IL13RA1: variants seen among roughly 807,000 people sequenced by gnomAD.
The protein encoded by IL13RA1 is interleukin-13 receptor subunit alpha-1.
IL13RA1 carries 14 observed loss-of-function variants against 33.8 expected under a neutral mutation model. The ratio of observed to expected loss-of-function variants is 0.41; its 90% CI spans 0.27 to 0.65. The LOEUF is 0.65. IL13RA1 is among the 30% of genes least tolerant of loss of function. The pLI, the probability that IL13RA1 is intolerant of heterozygous loss-of-function variation, is 0.28. For missense variants in IL13RA1, 313 were observed against 327.0 expected (o/e 0.96, Z 0.33); for synonymous variants, 116 against 115.7 (o/e 1.00, Z -0.02).
chrX:118,747,179 A>T (rs1603210048), intron 3 of IL13RA1, 87 bp downstream of exon 3: 1 of 582,133 alleles, frequency 1.7e-6, no homozygotes, highest in East Asian at 3.4e-5. Flanking sequence ...TAATTAATTC[A>T]ATTCTCAAAC....
At chrX:118,728,290 A>G (rs1281614534) in intron 1 of IL13RA1, among the ~76,000 whole-genome samples, 2 of 112,526 alleles carry the variant, frequency 1.8e-5, no homozygotes, top group African/African-American at 6.5e-5. Context: ...GTCCTTGTTG[A>G]AAAAGGACGT....
chrX:118,741,023 A>C lies in IL13RA1; in HGVS notation c.95A>C (p.Gln32Pro). ...TTGTCCTTGATTTGAACAGAAACTC[A>C]GCCACCTGTGACAAATTTGAGTGTC... is the stretch of plus-strand genomic sequence containing the variant. ...GGGGAAPTETQPPVTNLSVSV... is the reference protein window; with the variant it reads ...GGGGAAPTETPPPVTNLSVSV... The change falls in exon 2 of 11, where the codon CAG (glutamine) becomes CCG (proline). Residue 32 changes from glutamine (Q) to proline (P), a missense_variant. Gln to Pro is a moderately conservative substitution (Grantham distance 76). Transcript: ENST00000371666. 8.9e-7 allele frequency: 1 copy of C among 1,125,291 alleles called. No individual in the cohort carries two copies. Among genetic ancestry groups the C allele is most frequent in the Non-Finnish European group, 1.2e-6 (1 of 818,091 alleles). 92.7% of individuals were successfully genotyped at this position (1,125,291 alleles called of 1,213,427 possible).
intron 4 of IL13RA1, among the ~76,000 whole-genome samples, chrX:118,756,444 G>A (rs1215716563): frequency 8.9e-6 from 1 of 111,824 alleles, no homozygotes; most frequent in Non-Finnish European, 1.9e-5. Flanking sequence ...TACTGCTTAT[G>A]GAAGACAGTT....
At chrX:118,795,147 C>A (rs987637697), downstream of IL13RA1, among the ~76,000 whole-genome samples, 1 of 97,011 alleles carries the variant, frequency 1.0e-5, no homozygotes, top group African/African-American at 3.9e-5. Context: ...GGCGTGAACC[C>A]GGGAGGTGGA....
At chrX:118,799,274 C>T (rs1472067384), downstream of IL13RA1, among the ~76,000 whole-genome samples, 6 of 112,995 alleles carry the variant, frequency 5.3e-5, no homozygotes, top group Non-Finnish European at 9.4e-5. Context: ...CCGAGCCTCC[C>T]GGACGAGCAC....
chrX:118,738,286 G>A (rs1011503373), intron 1 of IL13RA1: 17 of 111,213 alleles, frequency 1.5e-4, no homozygotes, highest in African/African-American at 5.2e-4. Flanking sequence ...ACTGCATGAC[G>A]CTGAGACTTG....
chrX:118,744,100 C>G (rs945973408), intron 2 of IL13RA1, among the ~76,000 whole-genome samples: 5 of 110,270 alleles, frequency 4.5e-5, no homozygotes, highest in Non-Finnish European at 9.5e-5. Flanking sequence ...GAGCCGAGAT[C>G]ATGCCACTGC....
intron 1 of IL13RA1, among the ~76,000 whole-genome samples, chrX:118,739,932 T>G: frequency 8.9e-6 from 1 of 112,148 alleles, no homozygotes; most frequent in African/African-American, 3.2e-5. Flanking sequence ...TTGAACAATC[T>G]GATTTTTTGT....
chrX:118,791,621 CAAAAA>C (rs11318857), intron 10 of IL13RA1, 136 bp from the exon 11 acceptor site: 30 of 217,850 alleles, frequency 1.4e-4, no homozygotes, highest in Admixed American at 5.8e-4. Flanking sequence ...ATTCTTAGGT[CAAAAA>C]AAAAAAAAAA....
intron 4 of IL13RA1, among the ~76,000 whole-genome samples, chrX:118,756,362 G>A (rs2017530200): frequency 8.9e-6 from 1 of 111,808 alleles, no homozygotes; most frequent in African/African-American, 3.3e-5. Context: ...GTCTGCCTGC[G>A]CTGGGCTAGG....
intron 10 of IL13RA1, among the ~76,000 whole-genome samples, chrX:118,779,722 T>C (rs756593383): frequency 2.5e-4 from 28 of 111,842 alleles, no homozygotes; most frequent in Non-Finnish European, 4.7e-4. Flanking sequence ...TAATAGGAAC[T>C]TGAACTTAGG....
intron 10 of IL13RA1, among the ~76,000 whole-genome samples, chrX:118,780,933 C>T (rs1359394971): frequency 1.8e-5 from 2 of 112,161 alleles, no homozygotes; most frequent in Non-Finnish European, 1.9e-5. Flanking sequence ...TTCCACACTG[C>T]ACCATTAATA....
At chrX:118,735,542 A>G (rs746705544) in intron 1 of IL13RA1, among the ~76,000 whole-genome samples, 13 of 111,296 alleles carry the variant, frequency 1.2e-4, no homozygotes, top group Non-Finnish European at 2.3e-4. Context: ...GTTGTCATCC[A>G]TTATTTCTTT....
intron 8 of IL13RA1, chrX:118,770,046 G>C: frequency 4.0e-6 from 1 of 246,934 alleles, no homozygotes; most frequent in Non-Finnish European, 7.6e-6. Context: ...GGCCAGGGCT[G>C]TGTGCCACTG....
intron 10 of IL13RA1, among the ~76,000 whole-genome samples, chrX:118,783,789 A>G (rs1236309713): frequency 1.9e-5 from 2 of 103,015 alleles, no homozygotes; most frequent in Non-Finnish European, 3.9e-5. Context: ...ACCACTATAC[A>G]TTCATGCATT....
At chrX:118,776,570 A>G (rs1237831258) in intron 10 of IL13RA1, 59 bp downstream of exon 10, 1 of 370,279 alleles carries the variant, frequency 2.7e-6, no homozygotes, top group South Asian at 4.1e-5. Flanking sequence ...TTTGGAAGCT[A>G]TGGCATTTTT....
rs142210599 is a variant in IL13RA1, at chrX:118,728,949, A to G, written c.88+1223A>G. Among the ~76,000 whole-genome samples the G allele has an allele frequency of 1.8e-3, 204 of 112,156 alleles. 4 individuals are homozygous for G. Among genetic ancestry groups the G allele is most frequent in the East Asian group, 0.015 (54 of 3,576 alleles). On this transcript the variant is annotated intron_variant, in intron 1 of 10. Transcript: ENST00000371666. ...TGTTGCTGAAAGGTGGCATTTGAGT[A>G]GAGACCTGAGGGAGACTTGAAGCTT...
At chrX:118,760,823 C>G (rs944748798) in intron 5 of IL13RA1, among the ~76,000 whole-genome samples, 1 of 111,800 alleles carries the variant, frequency 8.9e-6, no homozygotes, top group African/African-American at 3.3e-5. Context: ...TGCTCAAGTC[C>G]CTGATAAAAA....
At chrX:118,775,415 A>G (rs759072653) in intron 9 of IL13RA1, among the ~76,000 whole-genome samples, 50 of 111,389 alleles carry the variant, frequency 4.5e-4, no homozygotes, top group African/African-American at 1.5e-3. Context: ...GAGTAGGCAC[A>G]TGGTCTGAGT....
Sources: gnomAD v4.1 joint callset for allele counts (sites outside exome capture counted in the v4.1 genomes callset) on GRCh38, gnomAD v4.1.1 for gene constraint, MANE v1.5 for transcripts, NCBI Gene and HGNC (gene_info 2026-07-23, HGNC 2026-07-21) for gene names.